The following EPHA5 variants were observed in gnomAD, a reference collection of about 807,000 sequenced individuals.
EPHA5 encodes the protein ephrin type-A receptor 5.
In EPHA5, 60 loss-of-function variants were observed where a neutral mutation model predicts 105.0. The ratio of observed to expected loss-of-function variants is 0.57; its 90% CI spans 0.46 to 0.71. EPHA5 has a LOEUF of 0.71. EPHA5 is among the 30% of genes least tolerant of loss of function. The pLI is 0.00. For missense variants in EPHA5, 1,218 were observed against 1,274.7 expected (o/e 0.96, Z 0.68); for synonymous variants, 513 against 449.1 (o/e 1.14, Z -1.80).
intron 16 of EPHA5, chr4:65,330,517 T>G (rs1219158491): frequency 2.7e-6 from 1 of 369,754 alleles, no homozygotes; most frequent in Non-Finnish European, 3.8e-6. Flanking sequence ...GATGTAACTA[T>G]ATACAGAAAA....
intron 10 of EPHA5, among the ~76,000 whole-genome samples, chr4:65,365,708 A>C (rs1717838100): frequency 7.8e-6 from 1 of 128,292 alleles, no homozygotes; most frequent in Non-Finnish European, 1.7e-5. Context: ...TTATCTATTT[A>C]AAATATATTT....
chr4:65,567,372 C>A (rs779725030), intron 3 of EPHA5, among the ~76,000 whole-genome samples: 7 of 151,646 alleles, frequency 4.6e-5, no homozygotes, highest in Non-Finnish European at 1.0e-4. Context: ...AACCGACAAT[C>A]CTCATCATTA....
At chr4:65,666,983 C>A (rs75576151) in intron 1 of EPHA5, among the ~76,000 whole-genome samples, 5,408 of 152,150 alleles carry the variant, frequency 0.036, 314 homozygotes, top group African/African-American at 0.12. Context: ...AATACGCACA[C>A]ACACACATAC....
chr4:65,333,231 A>AT (rs1158421246), intron 15 of EPHA5, among the ~76,000 whole-genome samples: 1 of 151,738 alleles, frequency 6.6e-6, no homozygotes, highest in Non-Finnish European at 1.5e-5. Context: ...ACTTAAGTAA[A>AT]TTGCAACTAT....
At chr4:65,559,856 C>G (rs988109859) in intron 3 of EPHA5, among the ~76,000 whole-genome samples, 4 of 151,992 alleles carry the variant, frequency 2.6e-5, no homozygotes, top group African/African-American at 9.7e-5. Context: ...TGATTTCGGA[C>G]AGAATAAAAT....
chr4:65,433,792 G>A (rs1386459661), intron 5 of EPHA5, among the ~76,000 whole-genome samples: 2 of 152,090 alleles, frequency 1.3e-5, no homozygotes, highest in African/African-American at 4.8e-5. Context: ...TTGGCTGGGC[G>A]CAGTGGCTCA....
Position 65,602,113 on chromosome 4 carries a change from G to C in EPHA5, c.438C>G (p.Thr146=), listed in dbSNP as rs1743798361. The part of the protein sequence containing the change: ...DCNSLPGGLG[T]CKETFNMYYF... ...AATACATATTAAAGGTTTCCTTACA[G>C]GTCCCCAGTCCTCCAGGAAGGCTGT... Residue 146 remains threonine, a synonymous_variant, in exon 3 of 17, where the codon ACC becomes ACG. Transcript: ENST00000613740. The C allele has an allele frequency of 3.7e-6, 6 of 1,613,904 alleles. No homozygotes were observed. The highest frequency in any genetic ancestry group is 1.7e-5 in the Admixed American group (1 of 59,970).
chr4:65,507,937 GT>G (rs1243437240), intron 3 of EPHA5, among the ~76,000 whole-genome samples: 4 of 151,880 alleles, frequency 2.6e-5, no homozygotes, highest in African/African-American at 9.7e-5. Flanking sequence ...CCCACTCATA[GT>G]TTTTTCTCAA....
intron 5 of EPHA5, among the ~76,000 whole-genome samples, chr4:65,440,252 A>G (rs1489582418): frequency 6.6e-6 from 1 of 152,052 alleles, no homozygotes; most frequent in Non-Finnish European, 1.5e-5. Context: ...ATTAAAGAAA[A>G]TAAACAAAGG....
intron 11 of EPHA5, among the ~76,000 whole-genome samples, chr4:65,353,306 T>A (rs1723006943): frequency 6.8e-6 from 1 of 147,410 alleles, no homozygotes; most frequent in African/African-American, 2.5e-5. Flanking sequence ...TATTTAATAT[T>A]TTAAAAACAT....
At chr4:65,659,381 C>A (rs1025328235) in intron 1 of EPHA5, among the ~76,000 whole-genome samples, 1 of 138,924 alleles carries the variant, frequency 7.2e-6, no homozygotes, top group Non-Finnish European at 1.5e-5. Flanking sequence ...AGCATAGATG[C>A]CGTGAATTGG....
Position 65,363,995 on chromosome 4 carries a change from G to A in EPHA5, c.2173+1022C>T, listed in dbSNP as rs189009973. On this transcript the variant is annotated intron_variant, in intron 11 of 16. Coordinates refer to ENST00000613740, the MANE Select transcript of EPHA5 (RefSeq NM_001281766.3). ...TTTCCTCTGCCTGCCTCTTGATCCT[G>A]CCTCTTGCCTTTCTTTAGCAATTTA... Among the ~76,000 whole-genome samples, 5 of 151,254 alleles carry A rather than the reference G, an allele frequency of 3.3e-5. No homozygotes were observed. In the Admixed American group the frequency reaches 3.3e-4, roughly 10 times the overall value.
chr4:65,420,193 T>C (rs1179261484), intron 6 of EPHA5, among the ~76,000 whole-genome samples: 1 of 152,172 alleles, frequency 6.6e-6, no homozygotes, highest in Admixed American at 6.5e-5. Context: ...CTTTTAATGC[T>C]GTGCAACTCA....
intron 14 of EPHA5, among the ~76,000 whole-genome samples, chr4:65,337,920 G>A (rs906178893): frequency 2.4e-4 from 36 of 152,000 alleles, no homozygotes; most frequent in Admixed American, 9.2e-4. Flanking sequence ...CAATAACTTT[G>A]AGCAAAAGTC....
chr4:65,347,079 C>A (rs1722290240), intron 14 of EPHA5, among the ~76,000 whole-genome samples: 1 of 152,110 alleles, frequency 6.6e-6, no homozygotes, highest in African/African-American at 2.4e-5. Flanking sequence ...ATTGTTGTTT[C>A]AACAAAATTC....
At chr4:65,325,603 G>A (rs1221886922) in intron 16 of EPHA5, among the ~76,000 whole-genome samples, 1 of 151,306 alleles carries the variant, frequency 6.6e-6, no homozygotes, top group Non-Finnish European at 1.5e-5. Context: ...GCGGTAGAGA[G>A]AGCATGGAAG....
rs756679349 is a variant in EPHA5 at position 65,669,759 on chromosome 4, C to T, written c.-17G>A. The stretch of plus-strand genomic sequence containing the variant: ...GCCCCGCATCTTCTCCGAGCCTCCT[C>T]CGGTGCCGCTGTCCCGAGCGGCTCA... On this transcript the variant is annotated 5_prime_UTR_variant, in exon 1 of 17. Transcript: ENST00000613740. 2 of 1,251,340 alleles carry T rather than the reference C, an allele frequency of 1.6e-6. No homozygotes were observed. The highest frequency in any genetic ancestry group is 2.0e-6 in the Non-Finnish European group (2 of 997,514). 77.5% of individuals were successfully genotyped at this position (1,251,340 alleles called of 1,614,324 possible).
chr4:65,337,236 T>C (rs1238448489), intron 14 of EPHA5, among the ~76,000 whole-genome samples: 2 of 152,106 alleles, frequency 1.3e-5, no homozygotes, highest in African/African-American at 4.8e-5. Context: ...TTCAAAGTCC[T>C]CTCTACTAGC....
At chr4:65,353,503 TACACACAC>T (rs66462845) in intron 11 of EPHA5, among the ~76,000 whole-genome samples, 38 of 146,274 alleles carry the variant, frequency 2.6e-4, no homozygotes, top group East Asian at 4.0e-4. Context: ...ATTTAAGATT[TACACACAC>T]ACACACACAC....
Sources: allele counts gnomAD v4.1 joint callset (sites outside exome capture counted in the v4.1 genomes callset), GRCh38; gene constraint gnomAD v4.1.1; transcripts MANE v1.5; gene names NCBI Gene and HGNC (gene_info 2026-07-23, HGNC 2026-07-21).